Variants in XG observed in about 807,000 individuals in gnomAD.
XG encodes the protein Xg glycoprotein (Xg blood group).
A neutral mutation model predicts 25.7 loss-of-function variants in XG; 24 were observed. That is an observed-to-expected ratio of 0.93 (90% CI 0.68 to 1.31). The LOEUF is 1.31. Ranked by LOEUF, XG falls within the 40% of genes most tolerant of loss-of-function variation. XG has a pLI of 0.00. For missense variants in XG, 181 were observed against 187.6 expected (o/e 0.96, Z 0.21); for synonymous variants, 77 against 69.2 (o/e 1.11, Z -0.56).
intron 7 of XG, among the ~76,000 whole-genome samples, chrX:2,802,326 T>A (rs1244453770): frequency 9.0e-6 from 1 of 110,749 alleles, no homozygotes; most frequent in Non-Finnish European, 1.9e-5. Flanking sequence ...GCCTAATTTT[T>A]AAAAAATTTT....
intron 3 of XG, 75 bp downstream of exon 3, chrX:2,774,814 T>C: frequency 6.3e-7 from 1 of 1,577,468 alleles, no homozygotes; most frequent in Admixed American, 1.7e-5. Flanking sequence ...TGGTTGAGGA[T>C]GTTTTACAGA....
chrX:2,778,664 G>C (rs1351272169), intron 3 of XG, among the ~76,000 whole-genome samples: 2 of 152,194 alleles, frequency 1.3e-5, no homozygotes, highest in African/African-American at 4.8e-5. Flanking sequence ...ATATGAGAGA[G>C]GTCGCAGCTA....
In XG at chrX:2,752,162, C is replaced by G; in HGVS notation, c.-113C>G. ...ATTTTCCACTTGAAGACATCGCCTC[C>G]CTTCCTTCCAAGCTGGGAGACCAGA... is the stretch of plus-strand genomic sequence containing the variant. On this transcript the variant is annotated 5_prime_UTR_variant, in exon 1 of 11. Transcript: ENST00000644266. The G allele has an allele frequency of 6.4e-7, 1 of 1,556,508 alleles. No homozygotes were observed. The highest frequency in any genetic ancestry group is 2.3e-5 in the East Asian group (1 of 44,346).
rs191366566 is a variant in XG at position 2,770,643 on chromosome X, A to C, written c.103+52A>C. The C allele has an allele frequency of 2.1e-3, 3,331 of 1,608,070 alleles. 20 individuals carry two copies. In the Middle Eastern group the frequency reaches 0.08, roughly 38 times the overall value. On this transcript the variant is annotated intron_variant, in intron 2 of 10. Transcript: ENST00000644266. ...CTTCCCTTTTCAGCTTGGATCTAAC[A>C]GCATCAGCTGTATAGTTACTTTGGG...
chrX:2,759,004 CTATCTATG>C (rs1328644358), intron 1 of XG, among the ~76,000 whole-genome samples: 7 of 145,376 alleles, frequency 4.8e-5, no homozygotes, highest in South Asian at 2.3e-4. Flanking sequence ...TCTCTATTAC[CTATCTATG>C]TATCTATGTA....
chrX:2,812,118 C>T (rs1316040341), intron 10 of XG, among the ~76,000 whole-genome samples: 2 of 111,487 alleles, frequency 1.8e-5, no homozygotes, highest in Non-Finnish European at 3.8e-5. Context: ...TCGTCACAGG[C>T]GAGTCAGGAA....
At chrX:2,766,748 C>G (rs311139) in intron 1 of XG, among the ~76,000 whole-genome samples, 104,281 of 149,876 alleles carry the variant, frequency 0.7, 36,613 homozygotes, top group African/African-American at 0.81. Flanking sequence ...TGTATTTTTA[C>G]TAGAGACGGG....
At chrX:2,782,247 G>A in intron 4 of XG, 119 bp downstream of exon 4, 2 of 808,666 alleles carry the variant, frequency 2.5e-6, no homozygotes. Context: ...CTCCCTTACT[G>A]GGAATGTAGT....
intron 3 of XG, among the ~76,000 whole-genome samples, chrX:2,780,342 G>T (rs2051090966): frequency 6.6e-6 from 1 of 150,762 alleles, no homozygotes; most frequent in Non-Finnish European, 1.5e-5. Context: ...AATGCTCAGG[G>T]TCACACATAT....
rs142983652 is a variant in XG, at chrX:2,792,297, C to G, written c.254-2238C>G. ...ACAGAACGAGACTCCATCTCAAAAA[C>G]AGTAAAAATAAAAAAGCTGTTTTAG... On this transcript the variant is annotated intron_variant, in intron 5 of 10. Transcript: ENST00000644266. 4.0e-3 allele frequency among the ~76,000 whole-genome samples: 444 copies of G among 110,692 alleles called. 6 individuals carry two copies. Among genetic ancestry groups the G allele is most frequent in the African/African-American group, 0.014 (427 of 30,463 alleles).
intron 7 of XG, among the ~76,000 whole-genome samples, chrX:2,805,450 A>T (rs1219867810): frequency 5.7e-4 from 54 of 94,348 alleles, no homozygotes; most frequent in East Asian, 1.7e-3. Context: ...CGACATCATC[A>T]TCTCCCTGTG....
chrX:2,780,744 G>A (rs2051102571), intron 3 of XG, among the ~76,000 whole-genome samples: 1 of 151,724 alleles, frequency 6.6e-6, no homozygotes. Flanking sequence ...AAGTATATTG[G>A]TTCCGTCTGG....
chrX:2,774,702 C>G lies in XG; in HGVS notation c.104-14C>G, dbSNP rs771487701. 8 of 1,613,790 alleles carry G rather than the reference C, an allele frequency of 5.0e-6. No homozygotes were observed. In the East Asian group the frequency reaches 6.7e-5, roughly 13 times the overall value. ...TCAATGCATATTGCATTTATTTTCTCTCTTTGTTCACAGAACCCACCAAGA... is the reference window on the plus strand; with the variant it reads ...TCAATGCATATTGCATTTATTTTCTGTCTTTGTTCACAGAACCCACCAAGA... On this transcript the variant is annotated splice_polypyrimidine_tract_variant and intron_variant, in intron 2 of 10. Transcript: ENST00000644266.
At chrX:2,794,461 C>T in intron 5 of XG, 74 bp from the exon 6 acceptor site, 1 of 1,106,149 alleles carries the variant, frequency 9.0e-7, no homozygotes, top group South Asian at 2.1e-5. Flanking sequence ...GTGCCAGTGC[C>T]CCCAGCGCAG....
At chrX:2,773,853 AGAAGGGAGGGCAG>A (rs931919592) in intron 2 of XG, among the ~76,000 whole-genome samples, 3 of 150,416 alleles carry the variant, frequency 2.0e-5, no homozygotes, top group Non-Finnish European at 4.4e-5. Context: ...GAAGGAAGGA[AGAAGGGAGGGCAG>A]GAAGGGAGAG....
intron 1 of XG, among the ~76,000 whole-genome samples, chrX:2,764,956 G>A (rs1000572700): frequency 1.2e-4 from 17 of 144,428 alleles, no homozygotes; most frequent in Non-Finnish European, 2.1e-4. Context: ...CACTAGAAGC[G>A]CTCGAACCAG....
chrX:2,801,034 C>A (rs1041297412), intron 7 of XG, among the ~76,000 whole-genome samples: 1 of 105,564 alleles, frequency 9.5e-6, no homozygotes, highest in Admixed American at 1.0e-4. Context: ...TTCAACTCAA[C>A]GTACTATGAG....
chrX:2,772,846 C>A (rs781187806), intron 2 of XG, among the ~76,000 whole-genome samples: 1 of 152,260 alleles, frequency 6.6e-6, no homozygotes, highest in East Asian at 1.9e-4. Flanking sequence ...CTACCAAGAG[C>A]CCCCCATGAA....
At chrX:2,799,031 G>A (rs192317213) in intron 7 of XG, among the ~76,000 whole-genome samples, 73 of 110,523 alleles carry the variant, frequency 6.6e-4, no homozygotes, top group Non-Finnish European at 2.8e-4. Flanking sequence ...GGATATACAC[G>A]CAAACCTTCA....
Sources: allele counts gnomAD v4.1 joint callset (sites outside exome capture counted in the v4.1 genomes callset), GRCh38; gene constraint gnomAD v4.1.1; transcripts MANE v1.5; gene names NCBI Gene and HGNC (gene_info 2026-07-23, HGNC 2026-07-21).